Variants in ABI2 observed in about 807,000 individuals in gnomAD.
ABI2 encodes the protein abelson interactor 2.
ABI2 carries 25 observed loss-of-function variants against 59.2 expected under a neutral mutation model. The observed-to-expected ratio is 0.42, with a 90% CI of 0.31 to 0.59. The LOEUF (loss-of-function observed/expected upper bound fraction) is 0.59, where lower values mean the gene tolerates loss of function less well. ABI2 is among the 20% of genes least tolerant of loss of function. The pLI, the probability that ABI2 is intolerant of heterozygous loss-of-function variation, is 0.14. For synonymous variants in ABI2, 213 were observed against 235.5 expected (o/e 0.90, Z 0.87); for missense variants, 545 against 681.8 (o/e 0.80, Z 2.23).
intron 1 of ABI2, among the ~76,000 whole-genome samples, chr2:203,362,131 C>T (rs1322031708): frequency 6.6e-6 from 1 of 152,168 alleles, no homozygotes; most frequent in African/African-American, 2.4e-5. Context: ...CTCAGTTATT[C>T]TGGCAGTAGC....
intron 1 of ABI2, among the ~76,000 whole-genome samples, chr2:203,331,145 A>G (rs1402192609): frequency 2.0e-5 from 3 of 152,086 alleles, no homozygotes; most frequent in Non-Finnish European, 4.4e-5. Context: ...TGCCTTAGGT[A>G]TATAATTGGT....
intron 1 of ABI2, among the ~76,000 whole-genome samples, chr2:203,354,089 GGTTGGA>G (rs1188311423): frequency 6.6e-6 from 1 of 152,166 alleles, no homozygotes; most frequent in Non-Finnish European, 1.5e-5. Flanking sequence ...CTGTCGCCCA[GGTTGGA>G]GTGCGGTGGC....
At chr2:203,374,498 CAAAAAAAAAAAAA>C (rs777951265) in intron 2 of ABI2, among the ~76,000 whole-genome samples, 1 of 53,840 alleles carries the variant, frequency 1.9e-5, no homozygotes, top group African/African-American at 7.3e-5. Context: ...GACTCTGTCT[CAAAAAAAAAAAAA>C]AAAAAAAAGG....
At chr2:203,364,677 G>C (rs1211636555) in intron 1 of ABI2, among the ~76,000 whole-genome samples, 1 of 151,642 alleles carries the variant, frequency 6.6e-6, no homozygotes, top group Non-Finnish European at 1.5e-5. Flanking sequence ...TAGTTGACTA[G>C]GATAGAATAC....
At chr2:203,409,785 G>A (rs758254229) in intron 9 of ABI2, among the ~76,000 whole-genome samples, 1 of 151,950 alleles carries the variant, frequency 6.6e-6, no homozygotes, top group African/African-American at 2.4e-5. Context: ...GCATTACCTT[G>A]TTTTCATATC....
At chr2:203,362,336 ATATT>A (rs1313294371) in intron 1 of ABI2, among the ~76,000 whole-genome samples, 2 of 152,256 alleles carry the variant, frequency 1.3e-5, no homozygotes, top group Admixed American at 1.3e-4. Context: ...TTCACTGTGA[ATATT>A]TATTTTCTTT....
At chr2:203,392,369 C>T (rs2096794499) in intron 5 of ABI2, among the ~76,000 whole-genome samples, 1 of 142,902 alleles carries the variant, frequency 7.0e-6, no homozygotes, top group Non-Finnish European at 1.5e-5. Flanking sequence ...TTCAAAAAAC[C>T]GAAACCCAAT....
chr2:203,420,396 CTTTT>C (rs59111250), intron 11 of ABI2, among the ~76,000 whole-genome samples: 9 of 140,526 alleles, frequency 6.4e-5, no homozygotes, highest in Non-Finnish European at 1.1e-4. Context: ...GTGACAGTCC[CTTTT>C]TTTTTTTTTT....
chr2:203,348,838 A>G (rs1278947137), intron 1 of ABI2, among the ~76,000 whole-genome samples: 1 of 151,952 alleles, frequency 6.6e-6, no homozygotes, highest in Admixed American at 6.6e-5. Context: ...ATCACCCAAA[A>G]TTTCTTTTAT....
chr2:203,395,117 G>T, intron 6 of ABI2: 1 of 703,154 alleles, frequency 1.4e-6, no homozygotes, highest in Non-Finnish European at 2.6e-6. Flanking sequence ...GACCAAATGT[G>T]GGAAATGTCA....
intron 9 of ABI2, among the ~76,000 whole-genome samples, chr2:203,409,475 C>A (rs1214953591): frequency 6.6e-6 from 1 of 152,176 alleles, no homozygotes. Context: ...CATTATCTCT[C>A]CCTGACTTAC....
At chr2:203,368,310 A>G (rs896124638) in intron 2 of ABI2, among the ~76,000 whole-genome samples, 1 of 152,158 alleles carries the variant, frequency 6.6e-6, no homozygotes, top group Non-Finnish European at 1.5e-5. Flanking sequence ...TTTTTTGAAT[A>G]GATCTTTGAA....
intron 5 of ABI2, among the ~76,000 whole-genome samples, chr2:203,394,058 C>G (rs192131919): frequency 5.3e-5 from 8 of 152,280 alleles, no homozygotes; most frequent in Admixed American, 1.3e-4. Flanking sequence ...CCCTTCCCCC[C>G]ACCTTTGTAA....
chr2:203,383,479 A>T (rs1257605689), intron 4 of ABI2, among the ~76,000 whole-genome samples: 2 of 152,200 alleles, frequency 1.3e-5, no homozygotes, highest in African/African-American at 2.4e-5. Context: ...AAGTGATAGA[A>T]ATACACGGAA....
chr2:203,371,674 A>G (rs1218402235), intron 2 of ABI2, among the ~76,000 whole-genome samples: 2 of 152,176 alleles, frequency 1.3e-5, no homozygotes, highest in Non-Finnish European at 2.9e-5. Flanking sequence ...TTAAATTAAC[A>G]TTAAATATTT....
At position 203,430,403 on chromosome 2, in the gene ABI2, T is replaced by C. The variant is rs1013663827; in HGVS notation, c.*3051T>C. On this transcript the variant is annotated 3_prime_UTR_variant, in exon 12 of 12. Transcript: ENST00000261018. ...CCTGAAGTTTGTGTGTCCAGTCCCC[T>C]TAAAAAAAATGAATAGTTGTCTTTT... 3 of 152,116 alleles carry C rather than the reference T, an allele frequency of 2.0e-5. No homozygotes were observed. Among genetic ancestry groups the C allele is most frequent in the African/African-American group, 7.2e-5 (3 of 41,434 alleles). The allele number at this position is 152,116 out of a possible 1,614,324, so 9.4% of individuals were successfully genotyped here.
intron 8 of ABI2, among the ~76,000 whole-genome samples, chr2:203,400,547 A>G (rs1194683189): frequency 3.3e-5 from 5 of 152,336 alleles, no homozygotes; most frequent in Non-Finnish European, 7.3e-5. Context: ...TGCCTTTTAA[A>G]TCATAGTTTA....
At chr2:203,341,802 C>T (rs2080092418) in intron 1 of ABI2, among the ~76,000 whole-genome samples, 1 of 152,140 alleles carries the variant, frequency 6.6e-6, no homozygotes, top group Non-Finnish European at 1.5e-5. Context: ...TTTTATTTGT[C>T]CAGAATATTT....
intron 10 of ABI2, among the ~76,000 whole-genome samples, chr2:203,414,692 C>G (rs1212802577): frequency 1.2e-4 from 19 of 152,182 alleles, no homozygotes; most frequent in Admixed American, 1.2e-3. Flanking sequence ...TGAATAAATA[C>G]TAATGAAGCA....
Sources: allele counts gnomAD v4.1 joint callset (sites outside exome capture counted in the v4.1 genomes callset), GRCh38; gene constraint gnomAD v4.1.1; transcripts MANE v1.5; gene names NCBI Gene and HGNC (gene_info 2026-07-23, HGNC 2026-07-21).